IL1RAPL1: variants seen among roughly 807,000 people sequenced by gnomAD.
IL1RAPL1 encodes interleukin 1 receptor accessory protein like 1.
A neutral mutation model predicts 48.4 loss-of-function variants in IL1RAPL1; 3 were observed. That is an observed-to-expected ratio of 0.06 (90% CI 0.03 to 0.16). The LOEUF (loss-of-function observed/expected upper bound fraction) is 0.16. IL1RAPL1 is among the 10% of genes least tolerant of loss of function. IL1RAPL1 has a pLI of 1.00. For missense variants in IL1RAPL1, 349 were observed against 530.6 expected, an observed-to-expected ratio of 0.66 and a Z score of 3.36; for synonymous variants, 185 against 187.7, an observed-to-expected ratio of 0.99 and a Z score of 0.12.
chrX:29,328,141 T>C (rs1378004707), intron 3 of IL1RAPL1, among the ~76,000 whole-genome samples: 2 of 112,164 alleles, frequency 1.8e-5, no homozygotes, highest in Non-Finnish European at 3.8e-5. Flanking sequence ...GCCTTTTCCA[T>C]AATTTTTTGG....
intron 6 of IL1RAPL1, among the ~76,000 whole-genome samples, chrX:29,691,828 A>G (rs752528439): frequency 3.1e-4 from 34 of 110,485 alleles, no homozygotes; most frequent in African/African-American, 1.1e-3. Flanking sequence ...CATCTGAGAC[A>G]TAGCATGATT....
intron 5 of IL1RAPL1, among the ~76,000 whole-genome samples, chrX:29,657,046 G>C (rs1056907388): frequency 1.3e-4 from 15 of 111,307 alleles, no homozygotes; most frequent in African/African-American, 4.9e-4. Context: ...ACCCTTCATG[G>C]CTTCCTTCAT....
intron 2 of IL1RAPL1, among the ~76,000 whole-genome samples, chrX:28,793,199 AG>A (rs2147267496): frequency 9.1e-6 from 1 of 110,166 alleles, no homozygotes; most frequent in East Asian, 2.9e-4. Flanking sequence ...CAATTCAGTA[AG>A]TAAACATCTC....
chrX:29,265,769 G>A (rs1210048742), intron 2 of IL1RAPL1, among the ~76,000 whole-genome samples: 22 of 107,856 alleles, frequency 2.0e-4, no homozygotes, highest in African/African-American at 4.4e-4. Flanking sequence ...ATGATTTCCA[G>A]TTTCATCCAT....
intron 5 of IL1RAPL1, among the ~76,000 whole-genome samples, chrX:29,570,344 A>G (rs1922553571): frequency 8.9e-6 from 1 of 112,572 alleles, no homozygotes; most frequent in South Asian, 3.6e-4. Flanking sequence ...AATATTTTCA[A>G]TGCATATAAG....
At chrX:29,646,983 G>C (rs1035987561) in intron 5 of IL1RAPL1, among the ~76,000 whole-genome samples, 1 of 112,135 alleles carries the variant, frequency 8.9e-6, no homozygotes, top group Non-Finnish European at 1.9e-5. Flanking sequence ...TGAAAGAAAA[G>C]AATGCTAGTG....
chrX:28,778,240 C>A (rs1462912466), intron 1 of IL1RAPL1, among the ~76,000 whole-genome samples: 1 of 112,043 alleles, frequency 8.9e-6, no homozygotes, highest in Non-Finnish European at 1.9e-5. Context: ...GGCATAAAGC[C>A]ACCTTTTTCT....
At chrX:29,824,518 G>A (rs1402044100) in intron 6 of IL1RAPL1, among the ~76,000 whole-genome samples, 1 of 111,861 alleles carries the variant, frequency 8.9e-6, no homozygotes, top group Non-Finnish European at 1.9e-5. Context: ...AATGTTTTAT[G>A]TGTTTAATTA....
At chrX:29,002,936 C>G (rs781379250) in intron 2 of IL1RAPL1, among the ~76,000 whole-genome samples, 2 of 110,696 alleles carry the variant, frequency 1.8e-5, no homozygotes, top group Non-Finnish European at 3.8e-5. Context: ...CACACACACA[C>G]ACACACGATC....
chrX:29,468,221 C>T (rs1194991422), intron 5 of IL1RAPL1, among the ~76,000 whole-genome samples: 1 of 112,499 alleles, frequency 8.9e-6, no homozygotes, highest in African/African-American at 3.2e-5. Context: ...TATTACAAAA[C>T]TTTAACTTTT....
intron 2 of IL1RAPL1, among the ~76,000 whole-genome samples, chrX:28,911,817 C>T (rs771694744): frequency 1.2e-4 from 13 of 108,493 alleles, no homozygotes; most frequent in Admixed American, 3.0e-4. Context: ...TGCTTCCAAT[C>T]GTCAGGGACT....
At chrX:29,387,483 A>G (rs1253015626) in intron 3 of IL1RAPL1, among the ~76,000 whole-genome samples, 2 of 111,927 alleles carry the variant, frequency 1.8e-5, no homozygotes, top group Non-Finnish European at 3.8e-5. Flanking sequence ...AACTTACCCA[A>G]ATGTGACTCA....
intron 2 of IL1RAPL1, among the ~76,000 whole-genome samples, chrX:28,902,061 G>T (rs1182901007): frequency 8.9e-6 from 1 of 111,858 alleles, no homozygotes; most frequent in Non-Finnish European, 1.9e-5. Context: ...GAAATCGTCA[G>T]TAAGACCTTC....
chrX:28,611,099 C>T (rs1569137892), intron 1 of IL1RAPL1, among the ~76,000 whole-genome samples: 1 of 111,729 alleles, frequency 9.0e-6, no homozygotes, highest in Non-Finnish European at 1.9e-5. Context: ...TCCCACAGAG[C>T]TCATTTAGAT....
chrX:29,135,287 C>T (rs188500011), intron 2 of IL1RAPL1, among the ~76,000 whole-genome samples: 27 of 111,794 alleles, frequency 2.4e-4, no homozygotes, highest in African/African-American at 8.7e-4. Flanking sequence ...GATTGTATTT[C>T]CGAGATGTAG....
At chrX:29,920,314 C>A (rs1348423911) in intron 8 of IL1RAPL1, among the ~76,000 whole-genome samples, 4 of 110,957 alleles carry the variant, frequency 3.6e-5, no homozygotes, top group Non-Finnish European at 5.7e-5. Context: ...TTCTTTAATA[C>A]CAACTGTGTA....
At chrX:28,931,881 CA>C (rs1316648821) in intron 2 of IL1RAPL1, among the ~76,000 whole-genome samples, 30 of 100,178 alleles carry the variant, frequency 3.0e-4, no homozygotes, top group East Asian at 9.4e-4. Flanking sequence ...ACTAAAAATA[CA>C]AAAAAAAAAA....
chrX:29,672,246 A>G (rs1434963507), intron 6 of IL1RAPL1, among the ~76,000 whole-genome samples: 5 of 112,016 alleles, frequency 4.5e-5, no homozygotes, highest in Admixed American at 2.9e-4. Flanking sequence ...TACTGGGTAA[A>G]AAGAAATAAT....
intron 6 of IL1RAPL1, among the ~76,000 whole-genome samples, chrX:29,778,346 A>AGAT (rs1428979933): frequency 9.0e-6 from 1 of 111,449 alleles, no homozygotes; most frequent in Non-Finnish European, 1.9e-5. Context: ...CATTTTGAAA[A>AGAT]GATGGCTGTG....
Sources: allele counts gnomAD v4.1 joint callset (sites outside exome capture counted in the v4.1 genomes callset), GRCh38; gene constraint gnomAD v4.1.1; transcripts MANE v1.5; gene names NCBI Gene and HGNC (gene_info 2026-07-23, HGNC 2026-07-21).